The following ETFA variants were observed in gnomAD, a reference collection of about 807,000 sequenced individuals.
The protein encoded by ETFA is electron transfer flavoprotein subunit alpha.
Under a neutral mutation model 46.2 loss-of-function variants are expected in ETFA, and 22 were observed. The observed-to-expected ratio is 0.48, with a 90% CI of 0.34 to 0.68. The LOEUF (loss-of-function observed/expected upper bound fraction) is 0.68. Among genes scored for constraint, ETFA ranks in the 30% least tolerant of loss-of-function variants. The pLI is 0.01. For missense variants in ETFA, 345 were observed against 401.1 expected (o/e 0.86, Z 1.19); for synonymous variants, 131 against 139.9 (o/e 0.94, Z 0.45).
chr15:76,226,605 A>G (rs2039007242), intron 10 of ETFA, among the ~76,000 whole-genome samples: 1 of 152,092 alleles, frequency 6.6e-6, no homozygotes, highest in South Asian at 2.1e-4. Context: ...TAGGCCGGGC[A>G]CGGTGGCTCA....
At chr15:76,227,506 ACT>A (rs1400026597) in intron 10 of ETFA, among the ~76,000 whole-genome samples, 2 of 120,156 alleles carry the variant, frequency 1.7e-5, no homozygotes, top group African/African-American at 5.3e-5. Flanking sequence ...ACAGAGTGAG[ACT>A]CTGTCTCAAA....
rs2039551714 is a variant in ETFA at position 76,272,805 on chromosome 15, AATATATACATATAT to A, written c.816+1593_816+1606del. On this transcript the variant is annotated intron_variant, in intron 9 of 11. Coordinates refer to ENST00000557943, the MANE Select transcript of ETFA (RefSeq NM_000126.4). ...AACATAGCAAGACCCTGTCTCTTAA[AATATATACATATAT>A]ATATATATATATGCGCATGTGTGCT... 1.3e-4 allele frequency among the ~76,000 whole-genome samples: 10 copies of A among 78,560 alleles called. No homozygotes were observed. The South Asian group carries it at 3.5e-3, about 27-fold the overall frequency. The allele number at this position is 78,560 out of a possible 152,430, so 51.5% of individuals were successfully genotyped here. A position where few individuals can be genotyped will look rare whatever the true frequency, so the allele number is the denominator to read the frequency against.
intron 9 of ETFA, chr15:76,260,435 G>A (rs2039397026): frequency 6.3e-7 from 1 of 1,587,292 alleles, no homozygotes; most frequent in South Asian, 1.1e-5. Flanking sequence ...ATGTGCGGCT[G>A]TGAGGAGGGC....
chr15:76,261,528 CT>C (rs1291823025), intron 9 of ETFA: 2 of 660,808 alleles, frequency 3.0e-6, no homozygotes, highest in South Asian at 3.9e-5. Context: ...CCAGCTGCCC[CT>C]GGGACACTGT....
At chr15:76,254,591 A>T (rs995340034) in intron 9 of ETFA, among the ~76,000 whole-genome samples, 35 of 152,308 alleles carry the variant, frequency 2.3e-4, no homozygotes, top group African/African-American at 8.2e-4. Flanking sequence ...GATTCTGCAA[A>T]GTCAAACCTA....
Position 76,285,729 on chromosome 15 carries a change from G to A in ETFA, c.572C>T (p.Thr191Ile), listed in dbSNP as rs1285482586. Residue 191 changes from threonine to isoleucine, a missense_variant, in exon 7 of 12, where the codon ACT (threonine) becomes ATT (isoleucine). Transcript: ENST00000557943. ...GSASSEKASSTSPVEISEWLD... is the reference protein window; with the variant it reads ...GSASSEKASSISPVEISEWLD... ...CCACTCTGATATTTCCACTGGTGAA[G>A]TACTTGATGCTGCATACATTAATAC... 1 of 1,587,824 alleles carries A rather than the reference G, an allele frequency of 6.3e-7. No individual in the cohort carries two copies. The highest frequency in any genetic ancestry group is 1.1e-5 in the South Asian group (1 of 90,540).
At chr15:76,229,609 ATTTAT>A (rs2039044235) in intron 10 of ETFA, among the ~76,000 whole-genome samples, 1 of 151,984 alleles carries the variant, frequency 6.6e-6, no homozygotes, top group Non-Finnish European at 1.5e-5. Context: ...TCTTTCTTTT[ATTTAT>A]TTATTTTTTC....
intron 9 of ETFA, chr15:76,260,640 C>T: frequency 3.9e-6 from 6 of 1,541,304 alleles, no homozygotes; most frequent in Non-Finnish European, 5.4e-6. Context: ...TTTATAGGGT[C>T]CCAGGGGGCC....
At chr15:76,278,712 A>T (rs11072587) in intron 8 of ETFA, among the ~76,000 whole-genome samples, 43,295 of 152,058 alleles carry the variant, frequency 0.28, 6,568 homozygotes, top group East Asian at 0.58. Context: ...TAGCATCCTC[A>T]TTCTCAGCTG....
chr15:76,238,947 C>T (rs572430941), intron 9 of ETFA, among the ~76,000 whole-genome samples: 52 of 152,252 alleles, frequency 3.4e-4, no homozygotes, highest in Non-Finnish European at 6.3e-4. Context: ...AAGATTTTAC[C>T]CATACTCTTG....
At chr15:76,247,271 G>GTC (rs1485810580) in intron 9 of ETFA, among the ~76,000 whole-genome samples, 3 of 152,176 alleles carry the variant, frequency 2.0e-5, no homozygotes, top group Non-Finnish European at 4.4e-5. Context: ...AGACCATCCA[G>GTC]TCTACTCAGC....
chr15:76,281,251 C>G (rs192264915), intron 8 of ETFA, among the ~76,000 whole-genome samples: 209 of 152,184 alleles, frequency 1.4e-3, no homozygotes, highest in African/African-American at 4.4e-3. Flanking sequence ...GTGATCCGCC[C>G]GCCTTGGCCT....
At position 76,286,493 on chromosome 15, in the gene ETFA, A is replaced by C. The variant is rs759050300; in HGVS notation, c.452-12T>G. 6.4e-7 allele frequency: 1 copy of C among 1,567,290 alleles called. No homozygotes were observed. The highest frequency in any genetic ancestry group is 8.8e-7 in the Non-Finnish European group (1 of 1,138,006). On this transcript the variant is annotated splice_polypyrimidine_tract_variant and intron_variant, in intron 5 of 11. Coordinates refer to ENST00000557943, the MANE Select transcript of ETFA (RefSeq NM_000126.4). ...ACATAGAGCATTTCCTGAAACATAC[A>C]ATCTATTTCTTAAAAGCAACAGCAA... is the stretch of plus-strand genomic sequence containing the variant.
chr15:76,282,828 G>T (rs2039668673), intron 8 of ETFA, among the ~76,000 whole-genome samples: 2 of 152,068 alleles, frequency 1.3e-5, no homozygotes, highest in East Asian at 1.9e-4. Flanking sequence ...TCTTTAAAAA[G>T]ATTTTTTTTC....
intron 1 of ETFA, among the ~76,000 whole-genome samples, chr15:76,296,373 A>C (rs1459629994): frequency 6.6e-6 from 1 of 152,200 alleles, no homozygotes; most frequent in Non-Finnish European, 1.5e-5. Flanking sequence ...TATATAACTA[A>C]ATGTAAATTC....
intron 7 of ETFA, 108 bp from the exon 8 acceptor site, chr15:76,283,933 T>C: frequency 1.3e-6 from 1 of 752,874 alleles, no homozygotes. Context: ...GTAACTGCCA[T>C]ATTAAGCATG....
At chr15:76,271,914 TACACACACAC>T (rs3866542) in intron 9 of ETFA, among the ~76,000 whole-genome samples, 3 of 148,712 alleles carry the variant, frequency 2.0e-5, no homozygotes, top group Non-Finnish European at 4.5e-5. Context: ...TGTGTGTATA[TACACACACAC>T]ACACACACAC....
intron 9 of ETFA, among the ~76,000 whole-genome samples, chr15:76,271,508 T>G (rs2039530589): frequency 6.6e-6 from 1 of 152,216 alleles, no homozygotes; most frequent in Admixed American, 6.5e-5. Context: ...GGTAAGACTG[T>G]GGAACTATTA....
intron 10 of ETFA, chr15:76,228,095 T>C (rs2039023594): frequency 2.5e-6 from 1 of 395,720 alleles, no homozygotes; most frequent in East Asian, 7.2e-5. Context: ...GTTTAGTTAT[T>C]GATGGTAAAT....
Sources: gnomAD v4.1 joint callset for allele counts (sites outside exome capture counted in the v4.1 genomes callset) on GRCh38, gnomAD v4.1.1 for gene constraint, MANE v1.5 for transcripts, NCBI Gene and HGNC (gene_info 2026-07-23, HGNC 2026-07-21) for gene names.